Variants in TM9SF2 observed in about 807,000 individuals in gnomAD.
TM9SF2 encodes the protein transmembrane 9 superfamily member 2.
Under a neutral mutation model 84.9 loss-of-function variants are expected in TM9SF2, and 13 were observed. The ratio of observed to expected loss-of-function variants is 0.15; its 90% CI spans 0.10 to 0.24. TM9SF2 has a LOEUF of 0.24. Ranked by LOEUF, TM9SF2 falls within the 10% of genes least tolerant of loss-of-function variation. TM9SF2 has a pLI of 1.00. For synonymous variants in TM9SF2, 273 were observed against 285.8 expected (o/e 0.96, Z 0.45); for missense variants, 562 against 818.5 (o/e 0.69, Z 3.82).
At chr13:99,539,976 G>A (rs979467778) in intron 7 of TM9SF2, among the ~76,000 whole-genome samples, 1 of 152,138 alleles carries the variant, frequency 6.6e-6, no homozygotes, top group Non-Finnish European at 1.5e-5. Flanking sequence ...TTTCATTAAC[G>A]AAGTTTCTTA....
intron 1 of TM9SF2, among the ~76,000 whole-genome samples, chr13:99,507,955 C>T (rs1332624999): frequency 2.0e-5 from 3 of 152,066 alleles, no homozygotes; most frequent in East Asian, 1.9e-4. Context: ...TGGCATGGCC[C>T]GTGTGCCTTG....
At position 99,529,602 on chromosome 13, in the gene TM9SF2, A is replaced by G. The variant is rs1360863584; in HGVS notation, c.461+8A>G. 2 of 1,546,556 alleles carry G rather than the reference A, an allele frequency of 1.3e-6. No individual in the cohort carries two copies. ...GAATTATCAACATCACTGGTAAGGC[A>G]TGAATATTTTCGATTTTGGGGTTTA... is the stretch of plus-strand genomic sequence containing the variant. On this transcript the variant is annotated splice_region_variant and intron_variant, in intron 4 of 16. Transcript: ENST00000376387.
At chr13:99,536,816 G>A (rs1375888228) in intron 5 of TM9SF2, 79 bp downstream of exon 5, 3 of 1,521,064 alleles carry the variant, frequency 2.0e-6, no homozygotes, top group African/African-American at 1.4e-5. Context: ...GACAAAAATT[G>A]TTATATTCAT....
At chr13:99,501,915 G>T in intron 1 of TM9SF2, 138 bp downstream of exon 1, 1 of 1,232,984 alleles carries the variant, frequency 8.1e-7, no homozygotes, top group Non-Finnish European at 1.1e-6. Context: ...GAAGCTTTTG[G>T]GGTCTGCTGG....
intron 10 of TM9SF2, among the ~76,000 whole-genome samples, chr13:99,545,885 A>G (rs1190486276): frequency 1.3e-5 from 2 of 152,112 alleles, no homozygotes; most frequent in Non-Finnish European, 2.9e-5. Flanking sequence ...TTCAAATCTT[A>G]TTAGGAGCTG....
chr13:99,524,298 AG>A (rs1051077988), intron 3 of TM9SF2, among the ~76,000 whole-genome samples: 25 of 152,110 alleles, frequency 1.6e-4, no homozygotes, highest in African/African-American at 6.0e-4. Flanking sequence ...GGGAAGGGTG[AG>A]GGGGTGGTGA....
intron 4 of TM9SF2, among the ~76,000 whole-genome samples, chr13:99,532,322 T>A (rs2046214282): frequency 6.6e-6 from 1 of 152,000 alleles, no homozygotes; most frequent in Non-Finnish European, 1.5e-5. Context: ...AGTGCTGGGA[T>A]TACAAGTGTG....
intron 8 of TM9SF2, 79 bp from the exon 9 acceptor site, chr13:99,541,480 T>A: frequency 1.0e-6 from 1 of 989,372 alleles, no homozygotes; most frequent in Admixed American, 2.3e-5. Flanking sequence ...TTAATGTTAC[T>A]CAATAAACAG....
At chr13:99,535,424 C>A (rs997836256) in intron 4 of TM9SF2, among the ~76,000 whole-genome samples, 1 of 152,112 alleles carries the variant, frequency 6.6e-6, no homozygotes, top group Admixed American at 6.5e-5. Flanking sequence ...TCATCTCTAT[C>A]TAAAAAATTA....
chr13:99,503,180 A>T (rs2046074080), intron 1 of TM9SF2, among the ~76,000 whole-genome samples: 1 of 152,224 alleles, frequency 6.6e-6, no homozygotes, highest in African/African-American at 2.4e-5. Context: ...TATTTTAGTA[A>T]CCAACCTTTA....
intron 10 of TM9SF2, among the ~76,000 whole-genome samples, chr13:99,544,849 A>AT (rs759230488): frequency 5.3e-5 from 8 of 152,264 alleles, no homozygotes; most frequent in Non-Finnish European, 1.0e-4. Context: ...CAGAAATTGT[A>AT]TTTAAATTTT....
chr13:99,543,366 T>TA, intron 9 of TM9SF2, among the ~76,000 whole-genome samples: 1 of 152,386 alleles, frequency 6.6e-6, no homozygotes, highest in African/African-American at 2.4e-5. Context: ...ATTTTTCTGT[T>TA]ACACTCACTG....
At chr13:99,538,266 T>C (rs1431959988) in intron 6 of TM9SF2, among the ~76,000 whole-genome samples, 3 of 152,224 alleles carry the variant, frequency 2.0e-5, no homozygotes, top group Non-Finnish European at 4.4e-5. Flanking sequence ...CAAGCCCCTA[T>C]GCAGTGTTAG....
intron 4 of TM9SF2, among the ~76,000 whole-genome samples, chr13:99,532,988 A>C (rs888397533): frequency 6.6e-6 from 1 of 152,232 alleles, no homozygotes; most frequent in Admixed American, 6.5e-5. Context: ...GTTGATTCAC[A>C]TTGATGAATT....
intron 1 of TM9SF2, among the ~76,000 whole-genome samples, chr13:99,502,003 C>G (rs1003521771): frequency 3.9e-5 from 6 of 152,192 alleles, no homozygotes; most frequent in Non-Finnish European, 7.3e-5. Context: ...ACTCGCCTCC[C>G]GTCTTGCGGG....
At chr13:99,503,867 TA>T (rs1213624755) in intron 1 of TM9SF2, among the ~76,000 whole-genome samples, 1 of 152,198 alleles carries the variant, frequency 6.6e-6, no homozygotes, top group Non-Finnish European at 1.5e-5. Flanking sequence ...ATTTTTTAGT[TA>T]ATCTTGGGAG....
chr13:99,539,596 A>C, intron 7 of TM9SF2, 39 bp downstream of exon 7: 1 of 1,316,682 alleles, frequency 7.6e-7, no homozygotes, highest in Admixed American at 1.7e-5. Context: ...TCTGAAATTG[A>C]TTTTAAATTT....
chr13:99,521,410 T>C (rs1185082047), intron 3 of TM9SF2, among the ~76,000 whole-genome samples: 5 of 152,232 alleles, frequency 3.3e-5, no homozygotes, highest in Admixed American at 1.3e-4. Context: ...GCCCGACAGC[T>C]TCCTCTCCTG....
rs1265175355 is a variant in TM9SF2 at position 99,501,567 on chromosome 13, A to G, written c.-40A>G. 1.3e-6 allele frequency: 2 copies of G among 1,583,764 alleles called. No individual in the cohort carries two copies. The highest frequency in any genetic ancestry group is 2.1e-4 in the Middle Eastern group (1 of 4,748). ...ACTCCCCACCCCTCCTTCCCTCTTG[A>G]CCCCCTAGGTTTGATTGCCCTTTCC... On this transcript the variant is annotated 5_prime_UTR_variant, in exon 1 of 17. Transcript: ENST00000376387.
Sources: allele counts gnomAD v4.1 joint callset (sites outside exome capture counted in the v4.1 genomes callset), GRCh38; gene constraint gnomAD v4.1.1; transcripts MANE v1.5; gene names NCBI Gene and HGNC (gene_info 2026-07-23, HGNC 2026-07-21).